The following NBAS variants were observed in gnomAD, a reference collection of about 807,000 sequenced individuals.
NBAS encodes NAG/BC035112 fusion.
A neutral mutation model predicts 302.5 loss-of-function variants in NBAS; 219 were observed. The observed-to-expected ratio is 0.72, with a 90% CI of 0.65 to 0.81. The LOEUF is 0.81. Among genes scored for constraint, NBAS ranks in the 30% least tolerant of loss-of-function variants. The pLI, the probability that NBAS is intolerant of heterozygous loss-of-function variation, is 0.00. For synonymous variants in NBAS, 1,118 were observed against 1,021.6 expected (o/e 1.09, Z -1.80); for missense variants, 2,932 against 2,841.6 (o/e 1.03, Z -0.72).
At chr2:15,115,622 T>C in the NBAS span, among the ~76,000 whole-genome samples, 1 of 152,142 alleles carries the variant, frequency 6.6e-6, no homozygotes. Context: ...CGCTTCAGCC[T>C]CTTAAGTAGC....
At chr2:14,893,040 A>G in the NBAS span, among the ~76,000 whole-genome samples, 1 of 152,188 alleles carries the variant, frequency 6.6e-6, no homozygotes, top group Non-Finnish European at 1.5e-5. Flanking sequence ...CCATTGCTTC[A>G]TAATGTTTTT....
intron 40 of NBAS, among the ~76,000 whole-genome samples, chr2:15,304,854 G>C (rs1326290630): frequency 6.6e-6 from 1 of 152,164 alleles, no homozygotes; most frequent in Non-Finnish European, 1.5e-5. Context: ...TCAGTTTTAT[G>C]CATTCACAAA....
chr2:14,974,391 G>GAA, the NBAS span, among the ~76,000 whole-genome samples: 2 of 152,208 alleles, frequency 1.3e-5, no homozygotes, highest in African/African-American at 4.8e-5. Context: ...TGGGGCCAGA[G>GAA]AAAATGACTT....
the NBAS span, among the ~76,000 whole-genome samples, chr2:14,780,840 T>C: frequency 2.0e-5 from 3 of 152,366 alleles, no homozygotes; most frequent in East Asian, 5.8e-4. Flanking sequence ...TGGAGCTTCT[T>C]AAGAATAAAA....
intron 47 of NBAS, among the ~76,000 whole-genome samples, chr2:15,232,038 T>A (rs973989017): frequency 6.6e-6 from 1 of 152,154 alleles, no homozygotes; most frequent in African/African-American, 2.4e-5. Context: ...CAAAGTTTTT[T>A]TGTTTTTATT....
chr2:14,856,495 A>G, the NBAS span, among the ~76,000 whole-genome samples: 1 of 152,304 alleles, frequency 6.6e-6, no homozygotes, highest in Non-Finnish European at 1.5e-5. Context: ...GAGACATGCA[A>G]CTTTTCAAAC....
the NBAS span, among the ~76,000 whole-genome samples, chr2:15,106,956 G>T: frequency 5.8e-3 from 880 of 152,150 alleles, 11 homozygotes; most frequent in African/African-American, 0.02. Flanking sequence ...TGAGGTATTT[G>T]CACATCAATT....
chr2:15,064,285 A>C, the NBAS span, among the ~76,000 whole-genome samples: 2 of 39,692 alleles, frequency 5.0e-5, no homozygotes, highest in Admixed American at 7.4e-4. Context: ...TAGACTAAGA[A>C]AAAAAGAGAA....
At chr2:15,237,257 CT>C (rs1667636220) in intron 45 of NBAS, among the ~76,000 whole-genome samples, 1 of 152,024 alleles carries the variant, frequency 6.6e-6, no homozygotes, top group South Asian at 2.1e-4. Context: ...AACAAAATCT[CT>C]AAGGGCCTTA....
the NBAS span, among the ~76,000 whole-genome samples, chr2:14,784,532 A>T: frequency 1.3e-5 from 2 of 152,368 alleles, no homozygotes; most frequent in South Asian, 4.1e-4. Context: ...AGCTTTCTAC[A>T]TATGGCTAGC....
chr2:14,951,687 T>C, the NBAS span, among the ~76,000 whole-genome samples: 1 of 152,232 alleles, frequency 6.6e-6, no homozygotes, highest in African/African-American at 2.4e-5. Flanking sequence ...GCCTGTACTT[T>C]AGACACTATA....
intron 13 of NBAS, among the ~76,000 whole-genome samples, chr2:15,476,136 G>C (rs977281598): frequency 3.3e-5 from 5 of 152,056 alleles, no homozygotes; most frequent in Admixed American, 3.3e-4. Context: ...AGGATACAAA[G>C]GCAAATAAAC....
At chr2:14,954,523 G>A in the NBAS span, among the ~76,000 whole-genome samples, 1 of 152,142 alleles carries the variant, frequency 6.6e-6, no homozygotes, top group Non-Finnish European at 1.5e-5. Flanking sequence ...AGTGTTATGG[G>A]TTGTATTAGT....
intron 44 of NBAS, 29 bp downstream of exon 44, chr2:15,275,455 A>G: frequency 6.2e-7 from 1 of 1,604,232 alleles, no homozygotes; most frequent in Non-Finnish European, 8.5e-7. Context: ...TACTGTGCTC[A>G]AACCACTTTA....
Position 15,275,760 on chromosome 2 carries a change from T to G in NBAS, c.5448A>C (p.Pro1816=). The G allele has an allele frequency of 1.2e-6, 2 of 1,614,138 alleles. No individual in the cohort carries two copies. Among genetic ancestry groups the G allele is most frequent in the Non-Finnish European group, 1.7e-6 (2 of 1,180,034 alleles). Residue 1816 remains proline, a synonymous_variant, in exon 44 of 52, where the codon CCA becomes CCC. Coordinates refer to ENST00000281513, the MANE Select transcript of NBAS (RefSeq NM_015909.4). ...ACAAGATATTTTGACTTGAAAGAAC[T>G]GGCTCCAATGCTTCAAGAGGACTCA... ...ENMSPLEALE[P]VLSSQNILSI...
chr2:14,894,559 A>AAATATAT, the NBAS span, among the ~76,000 whole-genome samples: 1 of 151,882 alleles, frequency 6.6e-6, no homozygotes, highest in African/African-American at 2.4e-5. Flanking sequence ...ATAAATATAA[A>AAATATAT]ATATAATATG....
At chr2:15,444,040 G>A (rs1433216335) in intron 21 of NBAS, among the ~76,000 whole-genome samples, 10 of 151,586 alleles carry the variant, frequency 6.6e-5, no homozygotes, top group Admixed American at 2.0e-4. Flanking sequence ...CATGCTCATG[G>A]GTAGGAAGAA....
the NBAS span, among the ~76,000 whole-genome samples, chr2:14,955,342 G>C: frequency 6.6e-6 from 1 of 152,214 alleles, no homozygotes; most frequent in Non-Finnish European, 1.5e-5. Context: ...TCATGAGCCA[G>C]AGTTGAGTGT....
At chr2:14,938,422 T>C in the NBAS span, among the ~76,000 whole-genome samples, 1 of 152,230 alleles carries the variant, frequency 6.6e-6, no homozygotes, top group Admixed American at 6.5e-5. Context: ...GAAAATTAAA[T>C]GATGTCAAAA....
Sources: gnomAD v4.1 joint callset for allele counts (sites outside exome capture counted in the v4.1 genomes callset) on GRCh38, gnomAD v4.1.1 for gene constraint, MANE v1.5 for transcripts, NCBI Gene and HGNC (gene_info 2026-07-23, HGNC 2026-07-21) for gene names.